SLC12A2: variants seen among roughly 807,000 people sequenced by gnomAD.
The protein encoded by SLC12A2 is solute carrier family 12 member 2.
In SLC12A2, 67 loss-of-function variants were observed where a neutral mutation model predicts 136.3. The observed-to-expected ratio is 0.49, with a 90% CI of 0.40 to 0.60. The LOEUF (loss-of-function observed/expected upper bound fraction) is 0.60. SLC12A2 is among the 20% of genes least tolerant of loss of function. The pLI is 0.00. For missense variants in SLC12A2, 1,322 were observed against 1,534.7 expected (o/e 0.86, Z 2.32); for synonymous variants, 619 against 562.9 (o/e 1.10, Z -1.41).
intron 5 of SLC12A2, among the ~76,000 whole-genome samples, chr5:128,132,521 TATCCAAATAGAGCTGGCTGTA>T (rs1433327768): frequency 6.6e-6 from 1 of 152,312 alleles, no homozygotes; most frequent in East Asian, 1.9e-4. Context: ...ACCATGAGTA[TATCCAAATAGAGCTGGCTGTA>T]TTGCTCTGGA....
intron 1 of SLC12A2, among the ~76,000 whole-genome samples, chr5:128,093,625 A>G (rs1179666844): frequency 1.3e-5 from 2 of 152,276 alleles, no homozygotes; most frequent in Non-Finnish European, 2.9e-5. Context: ...CTTTTCTCTC[A>G]TTCCCCCATC....
chr5:128,140,034 T>C, intron 9 of SLC12A2, among the ~76,000 whole-genome samples: 1 of 152,256 alleles, frequency 6.6e-6, no homozygotes, highest in Non-Finnish European at 1.5e-5. Flanking sequence ...AGTCTCACTC[T>C]GTTTCCCAGG....
intron 10 of SLC12A2, 35 bp downstream of exon 10, chr5:128,142,016 TA>T: frequency 6.3e-7 from 1 of 1,582,798 alleles, no homozygotes; most frequent in South Asian, 1.1e-5. Flanking sequence ...AGACATTCTG[TA>T]TTTATCTAGG....
At position 128,161,666 on chromosome 5, in the gene SLC12A2, C is replaced by T; in HGVS notation, c.2482C>T (p.Arg828Ter). The T allele has an allele frequency of 7.1e-7, 1 of 1,412,908 alleles. No individual in the cohort carries two copies. The highest frequency in any genetic ancestry group is 9.2e-7 in the Non-Finnish European group (1 of 1,083,660). 87.5% of individuals were successfully genotyped at this position (1,412,908 alleles called of 1,614,324 possible). Residue 828 changes from arginine (R) to a stop codon, truncating the protein, a stop_gained, in exon 17 of 27, where the codon CGA (arginine) becomes TGA (stop). Coordinates refer to ENST00000262461, the MANE Select transcript of SLC12A2 (RefSeq NM_001046.3). LOFTEE classifies it high-confidence loss of function. ...TTAATATTTTTATTCAAAGGGTCCT[C>T]GAAGACAAGCCATGAAAGAGATGTC... ...MICGHVHMGP[R>*]RQAMKEMSID...
At position 128,114,762 on chromosome 5, in the gene SLC12A2, T is replaced by C. The variant is rs996444186; in HGVS notation, c.1048+81T>C. 10 of 890,526 alleles carry C rather than the reference T, an allele frequency of 1.1e-5. No homozygotes were observed. In the Admixed American group the frequency reaches 2.1e-4, roughly 19 times the overall value. 55.2% of individuals were successfully genotyped at this position (890,526 alleles called of 1,614,324 possible). On this transcript the variant is annotated intron_variant, in intron 4 of 26. Coordinates refer to ENST00000262461, the MANE Select transcript of SLC12A2 (RefSeq NM_001046.3). ...CTAAATTGTATTTTTAATTATTTTT[T>C]ACTTTAACTGAAGCAACATATTAAG...
chr5:128,109,881 A>T, intron 1 of SLC12A2: 1 of 790,496 alleles, frequency 1.3e-6, no homozygotes, highest in Admixed American at 1.7e-5. Context: ...CCAGTGTGCC[A>T]TGAGAATTGT....
chr5:128,169,685 A>T (rs867469683), intron 18 of SLC12A2: 3 of 152,196 alleles, frequency 2.0e-5, no homozygotes, highest in Non-Finnish European at 4.4e-5. Context: ...AATGTGGTCC[A>T]TGAGCCATGA....
chr5:128,161,675 G>T lies in SLC12A2; in HGVS notation c.2491G>T (p.Ala831Ser). The part of the protein sequence containing the change: ...GHVHMGPRRQ[A>S]MKEMSIDQAK... ...TTATTCAAAGGGTCCTCGAAGACAA[G>T]CCATGAAAGAGATGTCCATCGATCA... The change falls in exon 17 of 27, where the codon GCC (alanine) becomes TCC (serine). Residue 831 changes from alanine (A) to serine (S), a missense_variant. By Grantham distance (99) the Ala-to-Ser change is moderately conservative. Around this residue, in one of 8 missense-constraint regions of SLC12A2, gnomAD observed 294 missense variants for 436.6 expected, o/e 0.67. Transcript: ENST00000262461. The T allele has an allele frequency of 6.9e-7, 1 of 1,439,122 alleles. No homozygotes were observed. Among genetic ancestry groups the T allele is most frequent in the Non-Finnish European group, 9.1e-7 (1 of 1,097,024 alleles). 89.1% of individuals were successfully genotyped at this position (1,439,122 alleles called of 1,614,324 possible). A position where few individuals can be genotyped will look rare whatever the true frequency, so the allele number is the denominator to read the frequency against.
chr5:128,114,175 T>C, intron 2 of SLC12A2, 37 bp from the exon 3 acceptor site: 1 of 1,429,632 alleles, frequency 7.0e-7, no homozygotes, highest in East Asian at 2.3e-5. Flanking sequence ...TGATTATTCT[T>C]CTTCCTCTGT....
chr5:128,094,571 C>T (rs1278391241), intron 1 of SLC12A2, among the ~76,000 whole-genome samples: 1 of 151,534 alleles, frequency 6.6e-6, no homozygotes, highest in Non-Finnish European at 1.5e-5. Flanking sequence ...TTTAAATACT[C>T]ATGACAAATG....
At position 128,167,464 on chromosome 5, in the gene SLC12A2, CTCTT is replaced by C. The variant is rs552662706; in HGVS notation, c.2617-293_2617-290del. Among the ~76,000 whole-genome samples, 600 of 152,032 alleles carry C rather than the reference CTCTT, an allele frequency of 3.9e-3. 5 individuals are homozygous for C. Among genetic ancestry groups the C allele is most frequent in the African/African-American group, 0.014 (586 of 41,496 alleles). Reference sequence around the variant, plus strand: ...TTATAATTTTTAAAAAGATTATATTCTCTTTCTCTTAGTAAAAATATGAAAATTT... The same window carrying C: ...TTATAATTTTTAAAAAGATTATATTCTCTCTTAGTAAAAATATGAAAATTT... On this transcript the variant is annotated intron_variant, in intron 17 of 26. Coordinates refer to ENST00000262461, the MANE Select transcript of SLC12A2 (RefSeq NM_001046.3).
At chr5:128,107,322 T>G (rs142362786) in intron 1 of SLC12A2, among the ~76,000 whole-genome samples, 1 of 152,222 alleles carries the variant, frequency 6.6e-6, no homozygotes, top group Non-Finnish European at 1.5e-5. Context: ...CTTTAAGTTC[T>G]AGCATACATG....
intron 1 of SLC12A2, among the ~76,000 whole-genome samples, chr5:128,100,118 G>A (rs567741773): frequency 2.6e-5 from 4 of 152,052 alleles, no homozygotes; most frequent in East Asian, 1.9e-4. Flanking sequence ...GAAATGCATC[G>A]CACTGTGCTC....
At position 128,110,938 on chromosome 5, in the gene SLC12A2, A is replaced by G. The variant is rs570787792; in HGVS notation, c.757-1876A>G. ...GGGCATGAAAAGGGTAGAACCACAG[A>G]CTGAGAATGACCTCTTCCCTTGCAC... On this transcript the variant is annotated intron_variant, in intron 1 of 26. Transcript: ENST00000262461. 219 of 851,498 alleles carry G rather than the reference A, an allele frequency of 2.6e-4. 2 individuals are homozygous for G. Among genetic ancestry groups the G allele is most frequent in the Non-Finnish European group, 3.4e-4 (165 of 487,044 alleles). 52.7% of individuals were successfully genotyped at this position (851,498 alleles called of 1,614,324 possible). A position where few individuals can be genotyped will look rare whatever the true frequency, so the allele number is the denominator to read the frequency against.
At position 128,083,923 on chromosome 5, in the gene SLC12A2, G is replaced by A; in HGVS notation, c.-32G>A. The A allele has an allele frequency of 5.7e-6, 7 of 1,220,708 alleles. No homozygotes were observed. The highest frequency in any genetic ancestry group is 6.1e-6 in the Non-Finnish European group (6 of 980,500). 75.6% of individuals were successfully genotyped at this position (1,220,708 alleles called of 1,614,324 possible). A position where few individuals can be genotyped will look rare whatever the true frequency, so the allele number is the denominator to read the frequency against. ...GGCGTGCTGCCGGAGACGTCCGCCG[G>A]GCTCTGCAGTTCCGCCGGGGGTCGG... is the stretch of plus-strand genomic sequence containing the variant. On this transcript the variant is annotated 5_prime_UTR_variant, in exon 1 of 27. Transcript: ENST00000262461.
At chr5:128,098,781 C>T (rs775732677) in intron 1 of SLC12A2, among the ~76,000 whole-genome samples, 2 of 151,908 alleles carry the variant, frequency 1.3e-5, no homozygotes, top group Non-Finnish European at 2.9e-5. Context: ...TTAGGTTGGC[C>T]CCTGGGGAGT....
intron 1 of SLC12A2, among the ~76,000 whole-genome samples, chr5:128,090,977 T>C (rs778761304): frequency 1.6e-4 from 25 of 152,194 alleles, no homozygotes; most frequent in Admixed American, 3.3e-4. Context: ...AGATTTGACA[T>C]GATCTGACTT....
intron 4 of SLC12A2, among the ~76,000 whole-genome samples, chr5:128,124,947 CA>C (rs1396992582): frequency 1.3e-5 from 2 of 152,140 alleles, no homozygotes; most frequent in Non-Finnish European, 2.9e-5. Context: ...TTTTAAATAA[CA>C]AAAGATGCTT....
intron 26 of SLC12A2, among the ~76,000 whole-genome samples, chr5:128,186,071 T>C (rs1036288738): frequency 1.3e-5 from 2 of 152,014 alleles, no homozygotes; most frequent in African/African-American, 4.8e-5. Flanking sequence ...AAAATATATA[T>C]ATATTTTTAC....
Sources: gnomAD v4.1 joint callset for allele counts (sites outside exome capture counted in the v4.1 genomes callset) on GRCh38, gnomAD v4.1.1 for gene constraint, gnomAD v4.1.1 regional missense constraint, MANE v1.5 for transcripts, NCBI Gene and HGNC (gene_info 2026-07-23, HGNC 2026-07-21) for gene names.